BCAT1: variants seen among roughly 807,000 people sequenced by gnomAD.
BCAT1 encodes the protein branched chain amino acid transaminase 1.
BCAT1 carries 48 observed loss-of-function variants against 52.4 expected under a neutral mutation model. The observed-to-expected ratio is 0.92, with a 90% CI of 0.73 to 1.16. The LOEUF is 1.16. Ranked by LOEUF, BCAT1 falls within the 50% of genes most tolerant of loss-of-function variation. The pLI, the probability that BCAT1 is intolerant of heterozygous loss-of-function variation, is 0.00. For synonymous variants in BCAT1, 167 were observed against 161.3 expected (o/e 1.04, Z -0.27); for missense variants, 451 against 457.1 (o/e 0.99, Z 0.12).
rs201617849 is a variant in BCAT1, at chr12:24,906,937, A to G, written c.7-5052T>C. 5.9e-5 allele frequency among the ~76,000 whole-genome samples: 9 copies of G among 152,276 alleles called. No homozygotes were observed. The East Asian group carries it at 1.5e-3, about 26-fold the overall frequency. ...TCTTTAAGCCATTCTTAGCATGACAACCAGTGAAAATGTCTCAAACGCAAA... is the reference window on the plus strand; with the variant it reads ...TCTTTAAGCCATTCTTAGCATGACAGCCAGTGAAAATGTCTCAAACGCAAA... On this transcript the variant is annotated intron_variant, in intron 1 of 10. Coordinates refer to ENST00000261192, the MANE Select transcript of BCAT1 (RefSeq NM_005504.7).
chr12:24,850,947 C>A (rs1941490676), intron 5 of BCAT1, among the ~76,000 whole-genome samples: 1 of 152,152 alleles, frequency 6.6e-6, no homozygotes, highest in Admixed American at 6.5e-5. Flanking sequence ...TTATAAATAA[C>A]AAAGATAGAA....
chr12:24,873,501 G>A (rs563292107), intron 5 of BCAT1, among the ~76,000 whole-genome samples: 7 of 152,270 alleles, frequency 4.6e-5, no homozygotes, highest in African/African-American at 1.7e-4. Context: ...GTACCATACT[G>A]ATGCTATACA....
intron 6 of BCAT1, among the ~76,000 whole-genome samples, chr12:24,847,336 A>C (rs1191929073): frequency 2.6e-5 from 4 of 152,188 alleles, no homozygotes; most frequent in Admixed American, 2.6e-4. Flanking sequence ...AGAGTGGTAC[A>C]TTTGCTGAAA....
In BCAT1 at chr12:24,887,080, A is replaced by AAAAAAAAAAATAT. The variant is rs1245203518; in HGVS notation, c.280-5670_280-5669insATATTTTTTTTTT. 4.7e-3 allele frequency among the ~76,000 whole-genome samples: 193 copies of AAAAAAAAAAATAT among 40,688 alleles called. 1 individual carries two copies. The highest frequency in any genetic ancestry group is 7.3e-3 in the Non-Finnish European group (139 of 19,010). 26.7% of individuals were successfully genotyped at this position (40,688 alleles called of 152,430 possible). A position where few individuals can be genotyped will look rare whatever the true frequency, so the allele number is the denominator to read the frequency against. ...GCTAGCTAAAAAAAAAAAAAAAAAA[A>AAAAAAAAAAATAT]ATATATATATATATATATATATATA... On this transcript the variant is annotated intron_variant, in intron 3 of 10. Coordinates refer to ENST00000261192, the MANE Select transcript of BCAT1 (RefSeq NM_005504.7).
intron 1 of BCAT1, among the ~76,000 whole-genome samples, chr12:24,906,899 C>G (rs920645523): frequency 1.3e-5 from 2 of 152,190 alleles, no homozygotes; most frequent in Non-Finnish European, 2.9e-5. Flanking sequence ...TCCTCTGACC[C>G]CAGCCTTGCT....
intron 1 of BCAT1, among the ~76,000 whole-genome samples, chr12:24,920,960 G>A (rs932634691): frequency 6.6e-6 from 1 of 152,148 alleles, no homozygotes; most frequent in Non-Finnish European, 1.5e-5. Flanking sequence ...AGTCTGGAAG[G>A]GTTCTGAGCA....
At position 24,948,917 on chromosome 12, in the gene BCAT1, A is replaced by C. The variant is rs764110868; in HGVS notation, c.6+10T>G. 11 of 1,595,808 alleles carry C rather than the reference A, an allele frequency of 6.9e-6. No individual in the cohort carries two copies. The East Asian group carries it at 1.1e-4, about 16-fold the overall frequency. Reference sequence around the variant, plus strand: ...TTTTGTAAAACACGGACAAAACCATAAGTAGTTACCTTCATTGTTCCGTCG... The same window carrying C: ...TTTTGTAAAACACGGACAAAACCATCAGTAGTTACCTTCATTGTTCCGTCG... On this transcript the variant is annotated intron_variant, in intron 1 of 10. Coordinates refer to ENST00000261192, the MANE Select transcript of BCAT1 (RefSeq NM_005504.7).
intron 10 of BCAT1, among the ~76,000 whole-genome samples, chr12:24,826,448 A>G (rs2139350899): frequency 6.6e-6 from 1 of 152,268 alleles, no homozygotes; most frequent in African/African-American, 2.4e-5. Context: ...GGTTGTAAAC[A>G]TGTGGACTTA....
chr12:24,937,259 C>T (rs1469562174), intron 1 of BCAT1, among the ~76,000 whole-genome samples: 1 of 152,122 alleles, frequency 6.6e-6, no homozygotes, highest in Non-Finnish European at 1.5e-5. Flanking sequence ...TGATAAGGCA[C>T]CCCTGGATGG....
intron 5 of BCAT1, among the ~76,000 whole-genome samples, chr12:24,850,254 A>G (rs746682895): frequency 6.6e-6 from 1 of 152,188 alleles, no homozygotes; most frequent in East Asian, 1.9e-4. Context: ...ACAACTATCT[A>G]TATAACACCT....
Position 24,937,847 on chromosome 12 carries a change from G to A in BCAT1, c.6+11080C>T, listed in dbSNP as rs2645908. Among the ~76,000 whole-genome samples, 8 of 152,338 alleles carry A rather than the reference G, an allele frequency of 5.3e-5. No individual in the cohort carries two copies. The South Asian group carries it at 1.7e-3, about 32-fold the overall frequency. On this transcript the variant is annotated intron_variant, in intron 1 of 10. Coordinates refer to ENST00000261192, the MANE Select transcript of BCAT1 (RefSeq NM_005504.7). ...GGCACATGGTTGTTAAAATAGATAG[G>A]ACTGCATAGATGTAAGATAGGTCTT... is the stretch of plus-strand genomic sequence containing the variant.
Position 24,849,808 on chromosome 12 carries a change from T to C in BCAT1, c.652A>G (p.Thr218Ala). Residue 218 changes from threonine to alanine, a missense_variant, in exon 6 of 11, where the codon ACT becomes GCT. Physicochemically the swap from Thr to Ala is moderately conservative, Grantham distance 58 (BLOSUM62 0). Coordinates refer to ENST00000261192, the MANE Select transcript of BCAT1 (RefSeq NM_005504.7). Reference protein sequence around the residue: ...PKYVRAWKGGTGDCKMGGNYG... With the variant: ...PKYVRAWKGGAGDCKMGGNYG... ...TACCCTCCCATCTTGCAGTCCCCAG[T>C]TCCACCTTTCCAGGCTCTTACATAC... 1 of 1,612,186 alleles carries C rather than the reference T, an allele frequency of 6.2e-7. No homozygotes were observed. Among genetic ancestry groups the C allele is most frequent in the Non-Finnish European group, 8.5e-7 (1 of 1,178,618 alleles).
At chr12:24,863,749 A>G (rs1268187396) in intron 5 of BCAT1, among the ~76,000 whole-genome samples, 5 of 152,166 alleles carry the variant, frequency 3.3e-5, no homozygotes, top group Non-Finnish European at 7.3e-5. Context: ...TTGGCAACAT[A>G]GCAAGACCCC....
Position 24,835,471 on chromosome 12 carries a change from T to C in BCAT1, c.903+1040A>G, listed in dbSNP as rs187302343. Reference sequence around the variant, plus strand: ...GGGTCAAAAGTTCCATCCAAGAACCTTTACCAGACACCCAATTCATTCAAT... The same window carrying C: ...GGGTCAAAAGTTCCATCCAAGAACCCTTACCAGACACCCAATTCATTCAAT... On this transcript the variant is annotated intron_variant, in intron 8 of 10. Coordinates refer to ENST00000261192, the MANE Select transcript of BCAT1 (RefSeq NM_005504.7). 4.8e-3 allele frequency among the ~76,000 whole-genome samples: 731 copies of C among 152,306 alleles called. 4 individuals are homozygous for C. Among genetic ancestry groups the C allele is most frequent in the Non-Finnish European group, 8.4e-3 (570 of 68,034 alleles).
At chr12:24,838,972 A>T (rs1258222841) in intron 7 of BCAT1, among the ~76,000 whole-genome samples, 1 of 152,178 alleles carries the variant, frequency 6.6e-6, no homozygotes, top group African/African-American at 2.4e-5. Context: ...AGTGCCCTAA[A>T]CACCATCAGC....
At chr12:24,891,911 G>A (rs1173212955) in intron 3 of BCAT1, among the ~76,000 whole-genome samples, 1 of 97,990 alleles carries the variant, frequency 1.0e-5, no homozygotes, top group Non-Finnish European at 2.2e-5. Context: ...ACCACGCCCG[G>A]CTAATTTTTT....
At chr12:24,839,664 C>T (rs1030041529) in intron 7 of BCAT1, among the ~76,000 whole-genome samples, 3 of 152,166 alleles carry the variant, frequency 2.0e-5, no homozygotes, top group African/African-American at 7.2e-5. Flanking sequence ...CACTATCCAC[C>T]ACCCCATCCA....
chr12:24,887,080 A>AAAAAAAAAAATATATATATAT (rs1245203518), intron 3 of BCAT1, among the ~76,000 whole-genome samples: 2 of 40,748 alleles, frequency 4.9e-5, no homozygotes, highest in African/African-American at 7.7e-5. Context: ...AAAAAAAAAA[A>AAAAAAAAAAATATATATATAT]ATATATATAT....
intron 1 of BCAT1, among the ~76,000 whole-genome samples, chr12:24,905,920 A>G (rs1246558948): frequency 1.3e-5 from 2 of 151,102 alleles, no homozygotes; most frequent in African/African-American, 4.9e-5. Context: ...TTAATAAGTC[A>G]GATTTGGCTG....
Sources: allele counts gnomAD v4.1 joint callset (sites outside exome capture counted in the v4.1 genomes callset), GRCh38; gene constraint gnomAD v4.1.1; transcripts MANE v1.5; gene names NCBI Gene and HGNC (gene_info 2026-07-23, HGNC 2026-07-21).